The following SLC25A12 variants were observed in gnomAD, a reference collection of about 807,000 sequenced individuals.
SLC25A12 encodes electrogenic aspartate/glutamate antiporter SLC25A12, mitochondrial.
In SLC25A12, 32 loss-of-function variants were observed where a neutral mutation model predicts 83.3. The observed-to-expected ratio is 0.38, with a 90% CI of 0.29 to 0.52. The LOEUF is 0.52. SLC25A12 is among the 20% of genes least tolerant of loss of function. SLC25A12 has a pLI of 0.84. For missense variants in SLC25A12, 611 were observed against 835.6 expected (o/e 0.73, Z 3.31); for synonymous variants, 267 against 291.1 (o/e 0.92, Z 0.84).
At chr2:171,888,641 C>A (rs1412880982) in intron 2 of SLC25A12, among the ~76,000 whole-genome samples, 1 of 151,802 alleles carries the variant, frequency 6.6e-6, no homozygotes, top group South Asian at 2.1e-4. Flanking sequence ...CAGGGTTTCA[C>A]CATGTTGCCC....
intron 17 of SLC25A12, 123 bp from the exon 18 acceptor site, chr2:171,785,598 G>A: frequency 1.2e-6 from 1 of 862,874 alleles, no homozygotes; most frequent in Non-Finnish European, 1.9e-6. Context: ...CCATTTCCAT[G>A]GCATCTGTGC....
intron 4 of SLC25A12, among the ~76,000 whole-genome samples, chr2:171,855,547 C>T (rs1311645504): frequency 1.3e-5 from 2 of 150,634 alleles, no homozygotes; most frequent in Non-Finnish European, 3.0e-5. Flanking sequence ...AGGAATTTTG[C>T]CCAGGCTGGC....
At chr2:171,860,401 C>T (rs1309561817) in intron 3 of SLC25A12, among the ~76,000 whole-genome samples, 2 of 151,866 alleles carry the variant, frequency 1.3e-5, no homozygotes, top group African/African-American at 4.8e-5. Flanking sequence ...GAGTTTGAGA[C>T]CAGCCTGGCC....
intron 2 of SLC25A12, among the ~76,000 whole-genome samples, chr2:171,892,278 T>G (rs1429956399): frequency 1.3e-5 from 2 of 151,298 alleles, no homozygotes; most frequent in African/African-American, 4.9e-5. Flanking sequence ...CAGGCTGGAG[T>G]GCAGTGGCAC....
intron 13 of SLC25A12, among the ~76,000 whole-genome samples, chr2:171,796,494 T>C (rs1476250384): frequency 6.6e-6 from 1 of 152,164 alleles, no homozygotes; most frequent in Non-Finnish European, 1.5e-5. Flanking sequence ...AATTAATGAT[T>C]TGTATATGTT....
chr2:171,864,666 G>A (rs1188745542), intron 3 of SLC25A12, among the ~76,000 whole-genome samples: 2 of 152,062 alleles, frequency 1.3e-5, no homozygotes, highest in Middle Eastern at 3.4e-3. Context: ...TGGAATTCTC[G>A]TCCCTACTTA....
chr2:171,838,628 A>G (rs572441589), intron 5 of SLC25A12, among the ~76,000 whole-genome samples: 3 of 152,338 alleles, frequency 2.0e-5, no homozygotes, highest in African/African-American at 7.2e-5. Context: ...GAAGATGTGG[A>G]CCTTTACCTT....
At chr2:171,890,281 G>A (rs1017084915) in intron 2 of SLC25A12, among the ~76,000 whole-genome samples, 2 of 152,196 alleles carry the variant, frequency 1.3e-5, no homozygotes, top group Non-Finnish European at 2.9e-5. Flanking sequence ...CGGTTAGCAT[G>A]TATTTTTGTC....
chr2:171,788,236 G>T (rs1054581141), intron 15 of SLC25A12: 2 of 313,414 alleles, frequency 6.4e-6, no homozygotes, highest in Admixed American at 4.6e-5. Context: ...ATATTAATAA[G>T]ACAATTCCCA....
chr2:171,879,491 A>C (rs946600679), intron 2 of SLC25A12, among the ~76,000 whole-genome samples: 9 of 152,208 alleles, frequency 5.9e-5, no homozygotes, highest in Admixed American at 6.5e-5. Context: ...AATCAATTGA[A>C]GCTACCATAA....
chr2:171,875,790 G>A (rs1438372803), intron 2 of SLC25A12, among the ~76,000 whole-genome samples: 1 of 151,880 alleles, frequency 6.6e-6, no homozygotes, highest in Non-Finnish European at 1.5e-5. Flanking sequence ...GCGGGCGCCT[G>A]TAGTCCCCGC....
At chr2:171,877,672 GA>G (rs199971332) in intron 2 of SLC25A12, among the ~76,000 whole-genome samples, 26,972 of 93,052 alleles carry the variant, frequency 0.29, 2,959 homozygotes, top group East Asian at 0.59. Flanking sequence ...TCCATCCCAG[GA>G]AAAAAAAAAA....
intron 8 of SLC25A12, 109 bp downstream of exon 8, chr2:171,833,854 T>G: frequency 1.4e-6 from 1 of 719,612 alleles, no homozygotes; most frequent in Non-Finnish European, 2.5e-6. Flanking sequence ...TATAAACTAT[T>G]CAAATACATG....
rs748645898 is a variant in SLC25A12, at chr2:171,894,236, CGA to C, written c.-24_-23del. The C allele has an allele frequency of 2.5e-4, 398 of 1,607,818 alleles. No individual in the cohort carries two copies. The African/African-American group carries it at 5.0e-3, about 20-fold the overall frequency. ...CCATGCTGTGCTCGGAAGCCGGGGA[CGA>C]GCGAGTGAGCGAGCAGGGCCGAGCT... is the stretch of plus-strand genomic sequence containing the variant. On this transcript the variant is annotated 5_prime_UTR_variant, in exon 1 of 18. Coordinates refer to ENST00000422440, the MANE Select transcript of SLC25A12 (RefSeq NM_003705.5).
At chr2:171,854,436 G>T (rs961640580) in intron 4 of SLC25A12, among the ~76,000 whole-genome samples, 2 of 152,016 alleles carry the variant, frequency 1.3e-5, no homozygotes, top group Admixed American at 1.3e-4. Flanking sequence ...GCATGGTGGC[G>T]CATGCCTGTA....
Position 171,784,949 on chromosome 2 carries a change from GT to G in SLC25A12, c.*324del. ...TACAAATGTGATTTGTTGGGATGAG[GT>G]GCCAAGATGTCTCTGTACAAAGATG... On this transcript the variant is annotated 3_prime_UTR_variant, in exon 18 of 18. Coordinates refer to ENST00000422440, the MANE Select transcript of SLC25A12 (RefSeq NM_003705.5). 1 of 315,652 alleles carries G rather than the reference GT, an allele frequency of 3.2e-6. No individual in the cohort carries two copies. 19.6% of individuals were successfully genotyped at this position (315,652 alleles called of 1,614,324 possible).
chr2:171,783,421 CT>C lies in SLC25A12; in HGVS notation c.*1852del, dbSNP rs1690431317. Among the ~76,000 whole-genome samples, 1 of 152,082 alleles carries C rather than the reference CT, an allele frequency of 6.6e-6. No homozygotes were observed. The highest frequency in any genetic ancestry group is 1.5e-5 in the Non-Finnish European group (1 of 68,004). On this transcript the variant is annotated 3_prime_UTR_variant, in exon 18 of 18. Coordinates refer to ENST00000422440, the MANE Select transcript of SLC25A12 (RefSeq NM_003705.5). ...TACTATGCAGCCATTAAAAATAAAA[CT>C]TTATAAACTGACATGGAAAGATATC...
At chr2:171,831,490 G>A (rs1157564723) in intron 8 of SLC25A12, among the ~76,000 whole-genome samples, 2 of 152,176 alleles carry the variant, frequency 1.3e-5, no homozygotes, top group East Asian at 3.8e-4. Flanking sequence ...AAAGAATCTT[G>A]TATGGCAAAT....
chr2:171,877,600 G>C (rs1342074421), intron 2 of SLC25A12, among the ~76,000 whole-genome samples: 1 of 150,962 alleles, frequency 6.6e-6, no homozygotes, highest in African/African-American at 2.4e-5. Flanking sequence ...AGGAGGCGGA[G>C]GTTGCAGTAA....
Sources: gnomAD v4.1 joint callset for allele counts (sites outside exome capture counted in the v4.1 genomes callset) on GRCh38, gnomAD v4.1.1 for gene constraint, MANE v1.5 for transcripts, NCBI Gene and HGNC (gene_info 2026-07-23, HGNC 2026-07-21) for gene names.